The following PCDHGB6 variants were observed in gnomAD, a reference collection of about 807,000 sequenced individuals.
The protein encoded by PCDHGB6 is protocadherin gamma subfamily B, 6.
A neutral mutation model predicts 59.1 loss-of-function variants in PCDHGB6; 51 were observed. The ratio of observed to expected loss-of-function variants is 0.86; its 90% CI spans 0.69 to 1.09. The LOEUF is 1.09. Ranked by LOEUF, PCDHGB6 falls within the 50% of genes least tolerant of loss-of-function variation. The pLI, the probability that PCDHGB6 is intolerant of heterozygous loss-of-function variation, is 0.00. For missense variants in PCDHGB6, 1,148 were observed against 1,205.1 expected, an observed-to-expected ratio of 0.95 and a Z score of 0.70; for synonymous variants, 466 against 495.1, an observed-to-expected ratio of 0.94 and a Z score of 0.78.
Position 141,422,952 on chromosome 5 carries a change from C to T in PCDHGB6, c.2418+12332C>T, listed in dbSNP as rs759618535. 11 of 1,614,254 alleles carry T rather than the reference C, an allele frequency of 6.8e-6. No homozygotes were observed. The East Asian group carries it at 2.0e-4, about 29-fold the overall frequency. On this transcript the variant is annotated intron_variant, in intron 1 of 3. Coordinates refer to ENST00000520790, the MANE Select transcript of PCDHGB6 (RefSeq NM_018926.3). ...CCCTCCCCACAGACGGCTCCACTGG[C>T]GTGGAGCTGGCGCCCCGCTCTGCGG...
chr5:141,495,424 A>G (rs927637242), intron 2 of PCDHGB6, among the ~76,000 whole-genome samples: 2 of 152,088 alleles, frequency 1.3e-5, no homozygotes, highest in Non-Finnish European at 2.9e-5. Flanking sequence ...CCCTCCTCCC[A>G]CTGTCCTCTG....
rs545421792 is a variant in PCDHGB6 at position 141,414,806 on chromosome 5, C to T, written c.2418+4186C>T. ...GTGACAGCCAGCGACAGCGGGGATC[C>T]TCCACTCAGCAGCAACGTGTCGTTG... On this transcript the variant is annotated intron_variant, in intron 1 of 3. Coordinates refer to ENST00000520790, the MANE Select transcript of PCDHGB6 (RefSeq NM_018926.3). 2.2e-5 allele frequency: 36 copies of T among 1,614,244 alleles called. No individual in the cohort carries two copies. The South Asian group carries it at 3.1e-4, about 14-fold the overall frequency.
Position 141,431,585 on chromosome 5 carries a change from G to A in PCDHGB6, c.2418+20965G>A. 6.2e-7 allele frequency: 1 copy of A among 1,614,204 alleles called. No individual in the cohort carries two copies. The highest frequency in any genetic ancestry group is 1.6e-4 in the Middle Eastern group (1 of 6,062). On this transcript the variant is annotated intron_variant, in intron 1 of 3. Transcript: ENST00000520790. This position sits in a 1 kb window ranked among gnomAD's most constrained non-coding sequence, Gnocchi z 4.8. ...CGACCCTGACGAAGGAGTCAATGCG[G>A]AAGTGAGGTATTCCTTCCGGTATGT...
At position 141,484,932 on chromosome 5, in the gene PCDHGB6, C is replaced by T. The variant is rs1594431677; in HGVS notation, c.2419-9875C>T. On this transcript the variant is annotated intron_variant, in intron 1 of 3. Coordinates refer to ENST00000520790, the MANE Select transcript of PCDHGB6 (RefSeq NM_018926.3). ...CGCATTAACCCTGCTGCTGTTGGGA[C>T]GTTCTCTGCTCAGCCTATTGGCTGA... 1.2e-5 allele frequency: 6 copies of T among 501,356 alleles called. No individual in the cohort carries two copies. The East Asian group carries it at 1.4e-4, about 12-fold the overall frequency. 31.1% of individuals were successfully genotyped at this position (501,356 alleles called of 1,614,324 possible).
At position 141,409,184 on chromosome 5, in the gene PCDHGB6, T is replaced by C; in HGVS notation, c.982T>C (p.Ser328Pro). ...EVEAKDGGGL[S>P]TQCKVIIEIL... ...GGAAGCGAAGGACGGAGGTGGTCTC[T>C]CTACCCAGTGTAAAGTAATCATAGA... is the stretch of plus-strand genomic sequence containing the variant. The change falls in exon 1 of 4, where the codon TCT becomes CCT. Residue 328 changes from serine to proline, a missense_variant. This residue lies in a region of PCDHGB6 where 549 missense variants were observed against 527.5 expected (regional missense o/e 1.04). Transcript: ENST00000520790. 6.2e-7 allele frequency: 1 copy of C among 1,614,044 alleles called. No homozygotes were observed. Among genetic ancestry groups the C allele is most frequent in the Non-Finnish European group, 8.5e-7 (1 of 1,179,898 alleles).
intron 1 of PCDHGB6, among the ~76,000 whole-genome samples, chr5:141,448,669 G>T: frequency 6.6e-6 from 1 of 152,136 alleles, no homozygotes; most frequent in East Asian, 1.9e-4. Flanking sequence ...GGCCGGGCGC[G>T]GTGGCTCACG....
intron 1 of PCDHGB6, among the ~76,000 whole-genome samples, chr5:141,494,177 TG>T (rs2099752471): frequency 6.6e-6 from 1 of 152,176 alleles, no homozygotes; most frequent in Non-Finnish European, 1.5e-5. Flanking sequence ...GGGTGAGAAG[TG>T]TCCCGGGACT....
intron 1 of PCDHGB6, chr5:141,422,576 CTCCCGTTTT>C: frequency 6.2e-7 from 1 of 1,614,034 alleles, no homozygotes; most frequent in African/African-American, 1.3e-5. Context: ...AACGATAACC[CTCCCGTTTT>C]TCCTCACTCC....
At chr5:141,454,092 T>C (rs552760379) in intron 1 of PCDHGB6, among the ~76,000 whole-genome samples, 2 of 152,316 alleles carry the variant, frequency 1.3e-5, no homozygotes, top group East Asian at 3.9e-4. Flanking sequence ...GAAATTTGAA[T>C]TGAACATAAA....
chr5:141,433,259 T>C (rs776486704), intron 1 of PCDHGB6: 3 of 1,380,658 alleles, frequency 2.2e-6, no homozygotes, highest in Non-Finnish European at 3.0e-6. Flanking sequence ...AGCGGTACGA[T>C]CATAGCTCAC....
In PCDHGB6 at chr5:141,485,251, C is replaced by T. The variant is rs748522322; in HGVS notation, c.2419-9556C>T. 7 of 1,614,092 alleles carry T rather than the reference C, an allele frequency of 4.3e-6. No individual in the cohort carries two copies. In the South Asian group the frequency reaches 6.6e-5, roughly 15 times the overall value. On this transcript the variant is annotated intron_variant, in intron 1 of 3. Transcript: ENST00000520790. This position sits in a 1 kb window ranked among gnomAD's most constrained non-coding sequence, Gnocchi z 5.7. The stretch of plus-strand genomic sequence containing the variant: ...TGTTCCTCTTTTACCACCTGGGTTA[C>T]GTTTGTGGGCAGATCCGCTACCCGG...
At chr5:141,508,664 T>C (rs1381178258) in intron 3 of PCDHGB6, among the ~76,000 whole-genome samples, 1 of 152,030 alleles carries the variant, frequency 6.6e-6, no homozygotes, top group Non-Finnish European at 1.5e-5. Context: ...TGTCATTCTG[T>C]CTCTGCCTCC....
chr5:141,423,802 C>A, intron 1 of PCDHGB6: 3 of 1,254,704 alleles, frequency 2.4e-6, no homozygotes, highest in South Asian at 2.9e-5. Context: ...TAGAGCAATA[C>A]ATGTGAGTTT....
intron 1 of PCDHGB6, among the ~76,000 whole-genome samples, chr5:141,462,839 T>C (rs1020663897): frequency 8.5e-5 from 13 of 152,228 alleles, no homozygotes; most frequent in Non-Finnish European, 1.5e-4. Context: ...GTAAATGTTA[T>C]ATTTTTGAGT....
At chr5:141,414,360 A>G (rs1177384414) in intron 1 of PCDHGB6, 1 of 1,613,800 alleles carries the variant, frequency 6.2e-7, no homozygotes, top group Non-Finnish European at 8.5e-7. Context: ...CGTATCTACC[A>G]TTTAAATTAG....
At chr5:141,412,424 C>G (rs1383441983) in intron 1 of PCDHGB6, 1 of 152,136 alleles carries the variant, frequency 6.6e-6, no homozygotes, top group Non-Finnish European at 1.5e-5. Flanking sequence ...ATGTTTTACA[C>G]AAAAAGGTTA....
In PCDHGB6 at chr5:141,419,578, G is replaced by A. The variant is rs1339676992; in HGVS notation, c.2418+8958G>A. The A allele has an allele frequency of 1.9e-6, 3 of 1,611,604 alleles. No individual in the cohort carries two copies. In the Admixed American group the frequency reaches 5.0e-5, roughly 27 times the overall value. On this transcript the variant is annotated intron_variant, in intron 1 of 3. Transcript: ENST00000520790. ...CTGCGCTGGGTCCCGACGGCTCCGC[G>A]CTCTTCGACACAGTGCCGCGGGCCG...
chr5:141,474,962 A>G (rs954703806), intron 1 of PCDHGB6, among the ~76,000 whole-genome samples: 3 of 152,256 alleles, frequency 2.0e-5, no homozygotes, highest in Non-Finnish European at 4.4e-5. Flanking sequence ...CACTATCCTA[A>G]TCATTATAAT....
At position 141,489,876 on chromosome 5, in the gene PCDHGB6, T is replaced by C. The variant is rs2099693265; in HGVS notation, c.2419-4931T>C. ...CCCAGGCAAGACATCAGCTGGTGCT[T>C]ACTGCTGTGGATGGGGGGACCCCAG... On this transcript the variant is annotated intron_variant, in intron 1 of 3. Transcript: ENST00000520790. This position sits in a 1 kb window ranked among gnomAD's most constrained non-coding sequence, Gnocchi z 4.5. The C allele has an allele frequency of 6.2e-7, 1 of 1,614,098 alleles. No homozygotes were observed. The highest frequency in any genetic ancestry group is 1.1e-5 in the South Asian group (1 of 91,094).
Sources: gnomAD v4.1 joint callset for allele counts (sites outside exome capture counted in the v4.1 genomes callset) on GRCh38, gnomAD v4.1.1 for gene constraint, gnomAD v4.1.1 regional missense constraint, Gnocchi (gnomAD v3.1) non-coding constraint, MANE v1.5 for transcripts, NCBI Gene and HGNC (gene_info 2026-07-23, HGNC 2026-07-21) for gene names.